Variants in CPXM2 observed in about 807,000 individuals in gnomAD.
CPXM2 encodes the protein inactive carboxypeptidase-like protein X2.
A neutral mutation model predicts 86.1 loss-of-function variants in CPXM2; 66 were observed. That is an observed-to-expected ratio of 0.77 (90% CI 0.63 to 0.94). The LOEUF (loss-of-function observed/expected upper bound fraction) is 0.94. CPXM2 is among the 40% of genes least tolerant of loss of function. The probability of loss-of-function intolerance (pLI) is 0.00; values close to 1 mark genes in which losing one functional copy is unlikely to be tolerated. For missense variants in CPXM2, 948 were observed against 1,026.3 expected (o/e 0.92, Z 1.04); for synonymous variants, 388 against 400.2 (o/e 0.97, Z 0.36).
At position 123,766,498 on chromosome 10, in the gene CPXM2, A is replaced by G. The variant is rs186234160; in HGVS notation, c.1479+475T>C. On this transcript the variant is annotated intron_variant, in intron 10 of 13. Transcript: ENST00000241305. ...ATGGGAGAATTATTTCTTCTACAAC[A>G]TACTCTTTGTAAAACAAGACCTAAG... is the stretch of plus-strand genomic sequence containing the variant. Among the ~76,000 whole-genome samples the G allele has an allele frequency of 8.5e-5, 13 of 152,366 alleles. No homozygotes were observed. In the South Asian group the frequency reaches 1.9e-3, roughly 22 times the overall value.
At chr10:123,941,701 C>T (rs1195756143), upstream of CPXM2, among the ~76,000 whole-genome samples, 4 of 152,310 alleles carry the variant, frequency 2.6e-5, no homozygotes, top group Admixed American at 1.3e-4. Flanking sequence ...CTGCAGCGGA[C>T]GGCTGCCCTG....
chr10:123,842,200 G>T, intron 4 of CPXM2, 149 bp downstream of exon 4: 1 of 1,039,360 alleles, frequency 9.6e-7, no homozygotes, highest in Non-Finnish European at 1.4e-6. Context: ...TCGACAACGA[G>T]CCCAGCCTCC....
At chr10:123,928,597 T>C (rs565423768) in intron 2 of CPXM2, among the ~76,000 whole-genome samples, 1 of 152,336 alleles carries the variant, frequency 6.6e-6, no homozygotes, top group East Asian at 1.9e-4. Flanking sequence ...TGCTTTGTTC[T>C]GTTAGGACAT....
chr10:123,942,637 A>T (rs1945788130), upstream of CPXM2, among the ~76,000 whole-genome samples: 1 of 152,256 alleles, frequency 6.6e-6, no homozygotes, highest in African/African-American at 2.4e-5. Flanking sequence ...CTTTCCAAGA[A>T]AACTTGTGAA....
intron 2 of CPXM2, among the ~76,000 whole-genome samples, chr10:123,916,537 A>G (rs1945534814): frequency 6.6e-6 from 1 of 151,636 alleles, no homozygotes; most frequent in Non-Finnish European, 1.5e-5. Flanking sequence ...CATTAAGCCC[A>G]CTCCTTTGAG....
At chr10:123,866,457 C>T (rs1404964584) in intron 2 of CPXM2, among the ~76,000 whole-genome samples, 1 of 151,906 alleles carries the variant, frequency 6.6e-6, no homozygotes, top group South Asian at 2.1e-4. Flanking sequence ...CCCAGCTACT[C>T]GGGACGGCGA....
intron 4 of CPXM2, among the ~76,000 whole-genome samples, chr10:123,830,870 C>CTGTGTGTGTGTGTGTGTGTG (rs1431527812): frequency 1.9e-5 from 2 of 102,598 alleles, no homozygotes; most frequent in East Asian, 3.6e-4. Flanking sequence ...CTCTCTCTCT[C>CTGTGTGTGTGTGTGTGTGTG]TCTGTGTGTG....
intron 2 of CPXM2, among the ~76,000 whole-genome samples, chr10:123,867,659 A>G (rs957469477): frequency 6.6e-6 from 1 of 151,170 alleles, no homozygotes; most frequent in Admixed American, 6.6e-5. Context: ...CAGCCTCCCA[A>G]GTAGCTGGGA....
intron 1 of CPXM2, among the ~76,000 whole-genome samples, chr10:123,881,265 T>TCCCTTCCC (rs1945088603): frequency 1.6e-5 from 1 of 63,608 alleles, no homozygotes; most frequent in Non-Finnish European, 3.2e-5. Flanking sequence ...TCCCTTCCCT[T>TCCCTTCCC]TACGCTCAAG....
At chr10:123,791,527 C>T (rs979347012) in intron 6 of CPXM2, among the ~76,000 whole-genome samples, 4 of 152,156 alleles carry the variant, frequency 2.6e-5, no homozygotes, top group Non-Finnish European at 5.9e-5. Flanking sequence ...TGCCTGCAAC[C>T]CTTGGCTTGT....
chr10:123,765,013 T>C (rs185160541), intron 10 of CPXM2, among the ~76,000 whole-genome samples: 1 of 152,204 alleles, frequency 6.6e-6, no homozygotes, highest in Non-Finnish European at 1.5e-5. Flanking sequence ...TTTAGAAGTT[T>C]TTTATTTTCT....
At chr10:123,924,892 C>T (rs1176971633) in intron 2 of CPXM2, among the ~76,000 whole-genome samples, 2 of 152,094 alleles carry the variant, frequency 1.3e-5, no homozygotes, top group Admixed American at 1.3e-4. Flanking sequence ...CTGATTAGAA[C>T]AAAATACCCC....
At chr10:123,915,952 G>T (rs1310832084) in intron 2 of CPXM2, among the ~76,000 whole-genome samples, 3 of 152,128 alleles carry the variant, frequency 2.0e-5, no homozygotes, top group African/African-American at 7.2e-5. Context: ...CCTGAAACCA[G>T]CACCTAGCAC....
upstream of CPXM2, among the ~76,000 whole-genome samples, chr10:123,896,300 A>G (rs1468847880): frequency 6.6e-6 from 1 of 152,238 alleles, no homozygotes; most frequent in Non-Finnish European, 1.5e-5. Flanking sequence ...AGAAAAATAC[A>G]TACTCAGGCA....
chr10:123,795,097 A>G (rs912157779), intron 6 of CPXM2, among the ~76,000 whole-genome samples: 3 of 152,148 alleles, frequency 2.0e-5, no homozygotes, highest in African/African-American at 7.2e-5. Context: ...GGAAAACTAC[A>G]CATAACATAA....
chr10:123,839,313 C>A (rs1398860368), intron 4 of CPXM2, among the ~76,000 whole-genome samples: 1 of 152,212 alleles, frequency 6.6e-6, no homozygotes, highest in Non-Finnish European at 1.5e-5. Flanking sequence ...TCAATCTTCT[C>A]TTCCCAAACC....
At chr10:123,786,963 C>A (rs370489285) in intron 6 of CPXM2, among the ~76,000 whole-genome samples, 1 of 152,266 alleles carries the variant, frequency 6.6e-6, no homozygotes, top group East Asian at 1.9e-4. Context: ...AATACTAAAC[C>A]TCCTGAGAAC....
At chr10:123,907,609 T>C (rs1419690326) in intron 2 of CPXM2, among the ~76,000 whole-genome samples, 2 of 149,874 alleles carry the variant, frequency 1.3e-5, no homozygotes, top group Non-Finnish European at 3.0e-5. Context: ...TGGCTACAGG[T>C]TCCCCAAAAG....
Position 123,773,509 on chromosome 10 carries a change from A to G in CPXM2, c.979-2470T>C, listed in dbSNP as rs187482796. ...CACTACACTGCAGATCATTGAGGAGACAGACTCAGCCTTTTATCTTTTATG... is the reference window on the plus strand; with the variant it reads ...CACTACACTGCAGATCATTGAGGAGGCAGACTCAGCCTTTTATCTTTTATG... On this transcript the variant is annotated intron_variant, in intron 7 of 13. Transcript: ENST00000241305. 3.9e-5 allele frequency among the ~76,000 whole-genome samples: 6 copies of G among 152,314 alleles called. No homozygotes were observed. In the East Asian group the frequency reaches 1.2e-3, roughly 29 times the overall value.
Sources: gnomAD v4.1 joint callset for allele counts (sites outside exome capture counted in the v4.1 genomes callset) on GRCh38, gnomAD v4.1.1 for gene constraint, MANE v1.5 for transcripts, NCBI Gene and HGNC (gene_info 2026-07-23, HGNC 2026-07-21) for gene names.